Variants in WWOX observed in about 807,000 individuals in gnomAD.
WWOX encodes the protein WW domain-containing oxidoreductase.
Under a neutral mutation model 46.2 loss-of-function variants are expected in WWOX, and 69 were observed. That is an observed-to-expected ratio of 1.49 (90% CI 1.23 to 1.82). The LOEUF (loss-of-function observed/expected upper bound fraction) is 1.82. Among genes scored for constraint, WWOX ranks in the 40% most tolerant of loss-of-function variants. The probability of loss-of-function intolerance (pLI) is 0.00; values close to 1 mark genes in which losing one functional copy is unlikely to be tolerated. For synonymous variants in WWOX, 359 were observed against 202.6 expected (o/e 1.77, Z -6.56); for missense variants, 919 against 542.6 (o/e 1.69, Z -6.89).
At chr16:78,946,094 G>A (rs1227991128) in intron 8 of WWOX, among the ~76,000 whole-genome samples, 2 of 152,140 alleles carry the variant, frequency 1.3e-5, no homozygotes, top group Admixed American at 1.3e-4. Context: ...TAAATAAGGT[G>A]GTTGTTCAGG....
At chr16:78,512,110 T>G (rs1187758617) in intron 8 of WWOX, among the ~76,000 whole-genome samples, 1 of 152,204 alleles carries the variant, frequency 6.6e-6, no homozygotes, top group African/African-American at 2.4e-5. Context: ...CACTTAATTT[T>G]AAAACGCTGG....
intron 8 of WWOX, among the ~76,000 whole-genome samples, chr16:79,146,832 A>T (rs1346650434): frequency 6.6e-6 from 1 of 152,130 alleles, no homozygotes; most frequent in Non-Finnish European, 1.5e-5. Flanking sequence ...AGAAGTAGCA[A>T]ATACTGTGTG....
At chr16:79,048,334 A>G (rs907719823) in intron 8 of WWOX, among the ~76,000 whole-genome samples, 3 of 151,974 alleles carry the variant, frequency 2.0e-5, no homozygotes, top group African/African-American at 7.3e-5. Flanking sequence ...CCAGCCCCAC[A>G]CACATGCCGG....
At chr16:78,323,898 A>C (rs561717717) in intron 5 of WWOX, among the ~76,000 whole-genome samples, 1 of 152,310 alleles carries the variant, frequency 6.6e-6, no homozygotes, top group South Asian at 2.1e-4. Context: ...GGTTAAGTGC[A>C]GTATGGTCTG....
At chr16:78,163,586 C>A (rs1242097584) in intron 4 of WWOX, among the ~76,000 whole-genome samples, 1 of 152,172 alleles carries the variant, frequency 6.6e-6, no homozygotes, top group Non-Finnish European at 1.5e-5. Context: ...ATCTTGGCCC[C>A]CAAAATTCTT....
intron 8 of WWOX, among the ~76,000 whole-genome samples, chr16:78,609,637 C>T (rs372531014): frequency 5.3e-5 from 8 of 151,862 alleles, no homozygotes; most frequent in East Asian, 3.9e-4. Flanking sequence ...TTCCTGGTCC[C>T]TGTCACTCTT....
chr16:78,665,681 T>G (rs993243247), intron 8 of WWOX, among the ~76,000 whole-genome samples: 4 of 151,968 alleles, frequency 2.6e-5, no homozygotes, highest in Admixed American at 6.6e-5. Flanking sequence ...ATGGAAACAT[T>G]AATTGTGCTT....
At chr16:78,811,056 A>G (rs2051175520) in intron 8 of WWOX, among the ~76,000 whole-genome samples, 1 of 152,224 alleles carries the variant, frequency 6.6e-6, no homozygotes, top group South Asian at 2.1e-4. Context: ...GGGAAGGGAC[A>G]GGAAAGCAGT....
intron 8 of WWOX, among the ~76,000 whole-genome samples, chr16:78,435,880 A>G (rs948479062): frequency 6.6e-6 from 1 of 152,204 alleles, no homozygotes; most frequent in Non-Finnish European, 1.5e-5. Context: ...TAACATCAAT[A>G]ATGATGGATA....
rs117212172 is a variant in WWOX, at chr16:78,380,610, C to T, written c.517-6250C>T. ...CACATCTTATGCATTGTGATGATCA[C>T]GATGATAAAACAATACATAATCACA... On this transcript the variant is annotated intron_variant, in intron 5 of 8. Transcript: ENST00000566780. 1.3e-3 allele frequency among the ~76,000 whole-genome samples: 199 copies of T among 152,098 alleles called. 1 individual carries two copies. Among genetic ancestry groups the T allele is most frequent in the Admixed American group, 2.0e-3 (31 of 15,280 alleles).
chr16:78,758,704 T>G (rs1208126583), intron 8 of WWOX, among the ~76,000 whole-genome samples: 2 of 152,138 alleles, frequency 1.3e-5, no homozygotes, highest in African/African-American at 4.8e-5. Context: ...TGTTATTGAT[T>G]GACCTCTCTG....
chr16:78,211,543 G>A (rs998040321), intron 5 of WWOX, among the ~76,000 whole-genome samples: 4 of 152,142 alleles, frequency 2.6e-5, no homozygotes, highest in Admixed American at 2.6e-4. Flanking sequence ...GACCTTGGCA[G>A]TTGCTGTTGC....
rs545731997 is a variant in WWOX, at chr16:78,632,542, C to G, written c.1056+199790C>G. Among the ~76,000 whole-genome samples the G allele has an allele frequency of 3.3e-4, 45 of 138,208 alleles. No individual in the cohort carries two copies. In the South Asian group the frequency reaches 9.7e-3, roughly 30 times the overall value. The allele number at this position is 138,208 out of a possible 152,430, so 90.7% of individuals were successfully genotyped here. A position where few individuals can be genotyped will look rare whatever the true frequency, so the allele number is the denominator to read the frequency against. On this transcript the variant is annotated intron_variant, in intron 8 of 8. Transcript: ENST00000566780. ...CTCATACCACAGACACTCTCTTCCCCCACTTACTTGGCCAATTTTTTTTTT... is the reference window on the plus strand; with the variant it reads ...CTCATACCACAGACACTCTCTTCCCGCACTTACTTGGCCAATTTTTTTTTT...
intron 8 of WWOX, among the ~76,000 whole-genome samples, chr16:78,924,831 A>G (rs983951910): frequency 6.6e-6 from 1 of 152,176 alleles, no homozygotes; most frequent in Non-Finnish European, 1.5e-5. Context: ...GTGTCAACAT[A>G]TGTGTGAAAA....
intron 4 of WWOX, among the ~76,000 whole-genome samples, chr16:78,128,270 C>T (rs1462777055): frequency 1.3e-5 from 2 of 151,946 alleles, no homozygotes; most frequent in Admixed American, 6.6e-5. Context: ...ACCGGATGTC[C>T]GGTAACAGGG....
chr16:79,029,104 A>T (rs2047702701), intron 8 of WWOX, among the ~76,000 whole-genome samples: 1 of 148,998 alleles, frequency 6.7e-6, no homozygotes, highest in African/African-American at 2.6e-5. Flanking sequence ...AGGCCAGCTG[A>T]GGTATCTCAG....
At chr16:78,979,045 G>C (rs772101931) in intron 8 of WWOX, among the ~76,000 whole-genome samples, 2 of 150,974 alleles carry the variant, frequency 1.3e-5, no homozygotes, top group Non-Finnish European at 1.5e-5. Flanking sequence ...TCTCCTTTAC[G>C]GCCAGGTCTC....
chr16:78,639,087 A>G (rs145574989), intron 8 of WWOX, among the ~76,000 whole-genome samples: 1 of 152,318 alleles, frequency 6.6e-6, no homozygotes, highest in African/African-American at 2.4e-5. Flanking sequence ...CTGGGCCTAA[A>G]AGACCAGTCT....
intron 8 of WWOX, among the ~76,000 whole-genome samples, chr16:79,181,731 T>A (rs921777131): frequency 6.6e-6 from 1 of 152,086 alleles, no homozygotes; most frequent in Non-Finnish European, 1.5e-5. Flanking sequence ...ATACTTGGAG[T>A]TCTAGAAGTG....
Sources: allele counts gnomAD v4.1 joint callset (sites outside exome capture counted in the v4.1 genomes callset), GRCh38; gene constraint gnomAD v4.1.1; transcripts MANE v1.5; gene names NCBI Gene and HGNC (gene_info 2026-07-23, HGNC 2026-07-21).